DNAH9: variants seen among roughly 807,000 people sequenced by gnomAD.
The protein encoded by DNAH9 is DNAH9 variant protein.
A neutral mutation model predicts 471.6 loss-of-function variants in DNAH9; 345 were observed. That is an observed-to-expected ratio of 0.73 (90% CI 0.67 to 0.80). The LOEUF is 0.80. DNAH9 is among the 30% of genes least tolerant of loss of function. The pLI is 0.00. For missense variants in DNAH9, 5,407 were observed against 5,609.2 expected, an observed-to-expected ratio of 0.96 and a Z score of 1.15; for synonymous variants, 2,093 against 2,123.6, an observed-to-expected ratio of 0.99 and a Z score of 0.40.
chr17:11,667,075 G>A (rs1043038317), intron 15 of DNAH9, among the ~76,000 whole-genome samples: 2 of 152,092 alleles, frequency 1.3e-5, no homozygotes, highest in African/African-American at 4.8e-5. Context: ...AATTACATTG[G>A]CGTTACATCC....
intron 26 of DNAH9, 44 bp downstream of exon 26, chr17:11,705,229 T>G (rs1235195500): frequency 5.7e-6 from 9 of 1,579,378 alleles, no homozygotes; most frequent in Non-Finnish European, 7.0e-6. Context: ...TGCTGTCTGG[T>G]TCAGGCCAGC....
Position 11,783,836 on chromosome 17 carries a change from T to C in DNAH9, c.7821+88T>C, listed in dbSNP as rs1017918102. 120 of 1,065,956 alleles carry C rather than the reference T, an allele frequency of 1.1e-4. 1 individual carries two copies. Among genetic ancestry groups the C allele is most frequent in the Non-Finnish European group, 1.5e-4 (111 of 716,216 alleles). The allele number at this position is 1,065,956 out of a possible 1,614,324, so 66.0% of individuals were successfully genotyped here. On this transcript the variant is annotated intron_variant, in intron 40 of 68. Coordinates refer to ENST00000262442, the MANE Select transcript of DNAH9 (RefSeq NM_001372.4). ...TTATAAGTATAATAATTGGCCTTTT[T>C]CCCCATGCAGCCTCTCAGAATGGTA...
chr17:11,695,263 C>T (rs985735712), intron 22 of DNAH9, among the ~76,000 whole-genome samples: 2 of 152,100 alleles, frequency 1.3e-5, no homozygotes, highest in African/African-American at 4.8e-5. Flanking sequence ...TAATCTCTAA[C>T]AAAGAACTGA....
intron 49 of DNAH9, among the ~76,000 whole-genome samples, chr17:11,851,450 G>A (rs1288662713): frequency 1.3e-5 from 2 of 152,120 alleles, no homozygotes; most frequent in African/African-American, 2.4e-5. Flanking sequence ...AGAGGTATCA[G>A]CCATGCAAAT....
chr17:11,774,060 T>C (rs1968324950), intron 38 of DNAH9, among the ~76,000 whole-genome samples: 1 of 152,020 alleles, frequency 6.6e-6, no homozygotes, highest in African/African-American at 2.4e-5. Flanking sequence ...CGCTTAAACC[T>C]GGGAGGTTGA....
intron 26 of DNAH9, among the ~76,000 whole-genome samples, chr17:11,718,184 A>T (rs554200097): frequency 5.7e-4 from 87 of 152,308 alleles, no homozygotes; most frequent in African/African-American, 2.0e-3. Flanking sequence ...GCCTGACAAC[A>T]TACAAACTCC....
Position 11,689,730 on chromosome 17 carries a change from A to T in DNAH9, c.3908A>T (p.Lys1303Met). Residue 1303 changes from lysine (K) to methionine (M), a missense_variant, in exon 20 of 69, where the codon AAG becomes ATG. This residue lies in a region of DNAH9 where 4,636 missense variants were observed against 4,900.3 expected (regional missense o/e 0.95). Coordinates refer to ENST00000262442, the MANE Select transcript of DNAH9 (RefSeq NM_001372.4). ...TGCAGGAAGGAGGTCTGCCAGCTGA[A>T]GGAGCTCTGGGACACCATTGGAATG... ...RQCRKEVCQLKELWDTIGMVT... is the reference protein window; with the variant it reads ...RQCRKEVCQLMELWDTIGMVT... 6.2e-7 allele frequency: 1 copy of T among 1,614,204 alleles called. No homozygotes were observed. Among genetic ancestry groups the T allele is most frequent in the Non-Finnish European group, 8.5e-7 (1 of 1,180,020 alleles).
At chr17:11,731,775 A>C (rs2075274915) in intron 28 of DNAH9, among the ~76,000 whole-genome samples, 1 of 152,100 alleles carries the variant, frequency 6.6e-6, no homozygotes, top group East Asian at 1.9e-4. Flanking sequence ...TATATGTGCC[A>C]CATTTTCTTA....
chr17:11,900,094 C>G (rs1416841008), intron 59 of DNAH9, among the ~76,000 whole-genome samples: 1 of 76,128 alleles, frequency 1.3e-5, no homozygotes, highest in Non-Finnish European at 4.1e-5. Flanking sequence ...GCCTCATTTT[C>G]CAAATGAAAA....
chr17:11,967,963 C>T (rs1018282221), intron 68 of DNAH9, among the ~76,000 whole-genome samples: 1 of 151,952 alleles, frequency 6.6e-6, no homozygotes, highest in Non-Finnish European at 1.5e-5. Context: ...AAAAGAGCCC[C>T]CAAAATATAC....
intron 20 of DNAH9, among the ~76,000 whole-genome samples, chr17:11,693,004 C>T (rs935355531): frequency 4.0e-5 from 6 of 151,018 alleles, no homozygotes; most frequent in South Asian, 2.1e-4. Context: ...CTCCCGGTTT[C>T]GAGCGATTCT....
intron 59 of DNAH9, among the ~76,000 whole-genome samples, chr17:11,895,330 G>A (rs1427275107): frequency 2.0e-5 from 3 of 152,178 alleles, no homozygotes; most frequent in Non-Finnish European, 4.4e-5. Context: ...CACCCATGAC[G>A]GGTTTCAGCG....
intron 57 of DNAH9, among the ~76,000 whole-genome samples, 171 bp downstream of exon 57, chr17:11,887,136 T>C (rs1479098054): frequency 6.6e-6 from 1 of 152,206 alleles, no homozygotes; most frequent in East Asian, 1.9e-4. Flanking sequence ...CATCCTCATC[T>C]CTTTAATTGG....
rs766672641 is a variant in DNAH9, at chr17:11,763,626, T to G, written c.7170+12T>G. The G allele has an allele frequency of 3.1e-6, 5 of 1,612,712 alleles. No homozygotes were observed. The highest frequency in any genetic ancestry group is 4.2e-6 in the Non-Finnish European group (5 of 1,179,296). Reference sequence around the variant, plus strand: ...TGGTCCAAGATCAGGTAAGGAGATATGTTGAGCTCAACAACCACACTGAAG... The same window carrying G: ...TGGTCCAAGATCAGGTAAGGAGATAGGTTGAGCTCAACAACCACACTGAAG... On this transcript the variant is annotated intron_variant, in intron 36 of 68. Coordinates refer to ENST00000262442, the MANE Select transcript of DNAH9 (RefSeq NM_001372.4).
At position 11,747,594 on chromosome 17, in the gene DNAH9, T is replaced by C; in HGVS notation, c.6438T>C (p.Ser2146=). The change falls in exon 32 of 69, where the codon TCT becomes TCC. Residue 2146 remains serine, a synonymous_variant. Transcript: ENST00000262442. ...QLEELLAVRH[S]VFVVGGAGTG... is the part of the protein sequence containing the mutation. Reference sequence around the variant, plus strand: ...AGGAGCTCCTGGCTGTGCGGCACTCTGTATTTGTGGTGGGTGGCGCTGGTA... The same window carrying C: ...AGGAGCTCCTGGCTGTGCGGCACTCCGTATTTGTGGTGGGTGGCGCTGGTA... 6.2e-7 allele frequency: 1 copy of C among 1,614,078 alleles called. No homozygotes were observed. The highest frequency in any genetic ancestry group is 1.1e-5 in the South Asian group (1 of 91,082).
At chr17:11,718,050 G>GTA (rs2074995878) in intron 26 of DNAH9, among the ~76,000 whole-genome samples, 1 of 151,562 alleles carries the variant, frequency 6.6e-6, no homozygotes, top group Non-Finnish European at 1.5e-5. Flanking sequence ...ATTTGTGTGT[G>GTA]TGTGTGTGTA....
intron 19 of DNAH9, among the ~76,000 whole-genome samples, chr17:11,688,104 A>AAAAAAAAC (rs2074271359): frequency 6.7e-6 from 1 of 149,864 alleles, no homozygotes; most frequent in African/African-American, 2.5e-5. Flanking sequence ...AAAAAAAGAA[A>AAAAAAAAC]AAGCCATCTG....
intron 32 of DNAH9, among the ~76,000 whole-genome samples, chr17:11,750,647 C>T (rs559203279): frequency 3.3e-5 from 5 of 152,238 alleles, no homozygotes; most frequent in Non-Finnish European, 5.9e-5. Flanking sequence ...GATTTTACTA[C>T]TTGCAAATCA....
At chr17:11,813,241 A>T (rs1356338108) in intron 45 of DNAH9, among the ~76,000 whole-genome samples, 1 of 152,068 alleles carries the variant, frequency 6.6e-6, no homozygotes, top group Non-Finnish European at 1.5e-5. Flanking sequence ...CTTTAAGGAA[A>T]AAAAAAAAGG....
Sources: allele counts gnomAD v4.1 joint callset (sites outside exome capture counted in the v4.1 genomes callset), GRCh38; gene constraint gnomAD v4.1.1; regional missense constraint gnomAD v4.1.1; transcripts MANE v1.5; gene names NCBI Gene and HGNC (gene_info 2026-07-23, HGNC 2026-07-21).